HERC3: variants seen among roughly 807,000 people sequenced by gnomAD.
The protein encoded by HERC3 is probable E3 ubiquitin-protein ligase HERC3.
HERC3 carries 58 observed loss-of-function variants against 129.9 expected under a neutral mutation model. That is an observed-to-expected ratio of 0.45 (90% CI 0.36 to 0.56). The LOEUF (loss-of-function observed/expected upper bound fraction) is 0.56. HERC3 is among the 20% of genes least tolerant of loss of function. The probability of loss-of-function intolerance (pLI) is 0.00; values close to 1 mark genes in which losing one functional copy is unlikely to be tolerated. For missense variants in HERC3, 835 were observed against 1,244.2 expected, an observed-to-expected ratio of 0.67 and a Z score of 4.95; for synonymous variants, 430 against 451.0, an observed-to-expected ratio of 0.95 and a Z score of 0.59.
chr4:88,690,086 G>A (rs1733917254), intron 23 of HERC3: 1 of 985,136 alleles, frequency 1.0e-6, no homozygotes, highest in South Asian at 4.7e-5. Flanking sequence ...GAATTATCTT[G>A]GCTCTAGAAA....
intron 11 of HERC3, among the ~76,000 whole-genome samples, 185 bp from the exon 12 acceptor site, chr4:88,663,965 GTTC>G (rs1191764624): frequency 4.6e-5 from 7 of 152,210 alleles, no homozygotes; most frequent in East Asian, 1.9e-4. Flanking sequence ...GGAAACTTAA[GTTC>G]TTCTTCATTT....
At chr4:88,697,353 C>G (rs769241236) in intron 23 of HERC3, 1 of 1,614,080 alleles carries the variant, frequency 6.2e-7, no homozygotes, top group East Asian at 2.2e-5. Flanking sequence ...CCTCCCCCTC[C>G]AAGGTCCATG....
chr4:88,561,820 A>G, the HERC3 span, among the ~76,000 whole-genome samples: 1 of 152,100 alleles, frequency 6.6e-6, no homozygotes, highest in South Asian at 2.1e-4. Context: ...AGTTCCATCC[A>G]TGCTGTTGTA....
At chr4:88,542,341 C>T in the HERC3 span, among the ~76,000 whole-genome samples, 4 of 152,068 alleles carry the variant, frequency 2.6e-5, no homozygotes, top group South Asian at 6.2e-4. Flanking sequence ...AGAAAATCTA[C>T]GAGAAATGGA....
the HERC3 span, among the ~76,000 whole-genome samples, chr4:88,525,981 C>T: frequency 2.6e-5 from 4 of 152,162 alleles, no homozygotes; most frequent in African/African-American, 9.7e-5. Context: ...GCTGTGTGAT[C>T]TTGGAGAAGC....
At chr4:88,556,005 A>G in the HERC3 span, among the ~76,000 whole-genome samples, 1 of 152,194 alleles carries the variant, frequency 6.6e-6, no homozygotes, top group South Asian at 2.1e-4. Context: ...GAGGGGTCAG[A>G]AGAAGAGTTA....
At position 88,669,889 on chromosome 4, in the gene HERC3, T is replaced by C. The variant is rs762286664; in HGVS notation, c.1663T>C (p.Tyr555His). 2.5e-6 allele frequency: 4 copies of C among 1,613,706 alleles called. No homozygotes were observed. The highest frequency in any genetic ancestry group is 3.4e-6 in the Non-Finnish European group (4 of 1,179,732). ...DNWWSQVCPKYFMKLVNLYKG... is the reference protein window; with the variant it reads ...DNWWSQVCPKHFMKLVNLYKG... Reference sequence around the variant, plus strand: ...CTGGTGGTCTCAGGTATGCCCGAAATATTTCATGAAGCTGGTAAACCTCTA... The same window carrying C: ...CTGGTGGTCTCAGGTATGCCCGAAACATTTCATGAAGCTGGTAAACCTCTA... The change falls in exon 15 of 26, where the codon TAT (tyrosine) becomes CAT (histidine). Residue 555 changes from tyrosine (Y) to histidine (H), a missense_variant. Physicochemically the swap from Tyr to His is moderately conservative, Grantham distance 83 (BLOSUM62 2). Transcript: ENST00000402738.
At chr4:88,569,286 C>A in the HERC3 span, among the ~76,000 whole-genome samples, 1 of 152,202 alleles carries the variant, frequency 6.6e-6, no homozygotes, top group Non-Finnish European at 1.5e-5. Flanking sequence ...CCGGCACTCT[C>A]CTTTCCCCAA....
intron 25 of HERC3, among the ~76,000 whole-genome samples, chr4:88,704,863 C>CTTTCTT (rs1336673525): frequency 1.5e-5 from 2 of 130,672 alleles, no homozygotes; most frequent in East Asian, 2.3e-4. Flanking sequence ...TTCTTTCTTT[C>CTTTCTT]TTTTTTTTTT....
At chr4:88,525,564 T>G in the HERC3 span, among the ~76,000 whole-genome samples, 1 of 152,138 alleles carries the variant, frequency 6.6e-6, no homozygotes, top group Non-Finnish European at 1.5e-5. Flanking sequence ...TATAAATAAA[T>G]TAGTTTCAGT....
chr4:88,603,058 A>C (rs544689692), intron 2 of HERC3, among the ~76,000 whole-genome samples: 1 of 152,222 alleles, frequency 6.6e-6, no homozygotes, highest in East Asian at 1.9e-4. Flanking sequence ...TCTCAAAAGT[A>C]GTTACAGAAC....
intron 12 of HERC3, among the ~76,000 whole-genome samples, chr4:88,664,561 A>C (rs1231915327): frequency 6.6e-6 from 1 of 152,170 alleles, no homozygotes; most frequent in African/African-American, 2.4e-5. Flanking sequence ...CAGGAAGAGC[A>C]ATGCTGATTC....
chr4:88,680,150 C>G lies in HERC3; in HGVS notation c.2254C>G (p.Leu752Val). 1 of 1,612,906 alleles carries G rather than the reference C, an allele frequency of 6.2e-7. No individual in the cohort carries two copies. Among genetic ancestry groups the G allele is most frequent in the Non-Finnish European group, 8.5e-7 (1 of 1,179,378 alleles). The change falls in exon 20 of 26, where the codon CTT (leucine) becomes GTT (valine). Residue 752 changes from leucine to valine, a missense_variant. Transcript: ENST00000402738. ...DAGGVTKEFF[L>V]LLLKELLNPI... is the part of the protein sequence containing the mutation. ...CGGTGGTGTTACAAAGGAATTTTTT[C>G]TTTTGCTGTTAAAAGAACTTTTGAA...
chr4:88,554,492 G>A, the HERC3 span, among the ~76,000 whole-genome samples: 2 of 152,188 alleles, frequency 1.3e-5, no homozygotes, highest in Non-Finnish European at 2.9e-5. Context: ...AGGTTAATCA[G>A]AGTTGGGCTT....
chr4:88,677,114 G>A (rs975855204), intron 18 of HERC3, among the ~76,000 whole-genome samples: 1 of 151,584 alleles, frequency 6.6e-6, no homozygotes, highest in African/African-American at 2.4e-5. Flanking sequence ...CAGCCTGGGC[G>A]ACAGAGCAAG....
chr4:88,538,253 A>G, the HERC3 span, among the ~76,000 whole-genome samples: 2 of 152,162 alleles, frequency 1.3e-5, no homozygotes, highest in Non-Finnish European at 2.9e-5. Flanking sequence ...CTCTCACTAG[A>G]TTCAGTTGCT....
chr4:88,652,084 G>A lies in HERC3; in HGVS notation c.459G>A (p.Ala153=), dbSNP rs143699412. 2,491 of 1,605,826 alleles carry A rather than the reference G, an allele frequency of 1.6e-3. 5 individuals carry two copies. The highest frequency in any genetic ancestry group is 2.0e-3 in the Non-Finnish European group (2,332 of 1,172,484). ...GCAACTGGCATTGCTTGGCTCTTGCGGCTGGTAAAGTAACATTAAACATAT... is the reference window on the plus strand; with the variant it reads ...GCAACTGGCATTGCTTGGCTCTTGCAGCTGGTAAAGTAACATTAAACATAT... The part of the protein sequence containing the change: ...SCGNWHCLAL[A]ADGQFFTWGK... The change falls in exon 5 of 26, where the codon GCG becomes GCA. Residue 153 remains alanine (A), a synonymous_variant. Coordinates refer to ENST00000402738, the MANE Select transcript of HERC3 (RefSeq NM_014606.3).
At chr4:88,660,338 A>G (rs2149286014) in intron 10 of HERC3, among the ~76,000 whole-genome samples, 2 of 151,994 alleles carry the variant, frequency 1.3e-5, no homozygotes, top group East Asian at 1.9e-4. Context: ...AGTAGCTGGG[A>G]TTACAGGCGT....
Position 88,639,801 on chromosome 4 carries a change from A to T in HERC3, c.227-10039A>T, listed in dbSNP as rs531444795. 3.9e-5 allele frequency among the ~76,000 whole-genome samples: 6 copies of T among 152,344 alleles called. No individual in the cohort carries two copies. In the South Asian group the frequency reaches 1.0e-3, roughly 26 times the overall value. ...AAACTCATGAGTGAACAGGCAACCT[A>T]CAAAATGGAAGAAAATATTTGCACT... On this transcript the variant is annotated intron_variant, in intron 3 of 25. Transcript: ENST00000402738.
Sources: allele counts gnomAD v4.1 joint callset (sites outside exome capture counted in the v4.1 genomes callset), GRCh38; gene constraint gnomAD v4.1.1; transcripts MANE v1.5; gene names NCBI Gene and HGNC (gene_info 2026-07-23, HGNC 2026-07-21).